TTC12: variants seen among roughly 807,000 people sequenced by gnomAD.
TTC12 encodes tetratricopeptide repeat protein 12.
TTC12 carries 70 observed loss-of-function variants against 90.1 expected under a neutral mutation model. The ratio of observed to expected loss-of-function variants is 0.78; its 90% CI spans 0.64 to 0.95. TTC12 has a LOEUF of 0.95. Among genes scored for constraint, TTC12 ranks in the 40% least tolerant of loss-of-function variants. The probability of loss-of-function intolerance (pLI) is 0.00; values close to 1 mark genes in which losing one functional copy is unlikely to be tolerated. For missense variants in TTC12, 819 were observed against 846.1 expected (o/e 0.97, Z 0.40); for synonymous variants, 296 against 311.5 (o/e 0.95, Z 0.53).
chr11:113,364,470 G>C (rs1461020255), intron 20 of TTC12: 1 of 306,258 alleles, frequency 3.3e-6, no homozygotes, highest in Non-Finnish European at 6.4e-6. Flanking sequence ...GGTGTAGGTT[G>C]CTGGCACATT....
chr11:113,315,826 T>C (rs1555135186), intron 1 of TTC12: 1 of 155,130 alleles, frequency 6.4e-6, no homozygotes, highest in African/African-American at 2.4e-5. Flanking sequence ...CCCAAGTTTG[T>C]TACCTGTCAC....
chr11:113,325,628 T>C lies in TTC12; in HGVS notation c.427T>C (p.Tyr143His), dbSNP rs782593374. 3.1e-6 allele frequency: 5 copies of C among 1,613,970 alleles called. No homozygotes were observed. In the South Asian group the frequency reaches 4.4e-5, roughly 14 times the overall value. ...LEKLKDMKVL[Y>H]TNRAQAYMKL... is the part of the protein sequence containing the mutation. ...GAAGCTGAAGGACATGAAAGTGCTG[T>C]ACACCAACCGAGCCCAGGTCAGTGA... The change falls in exon 6 of 22, where the codon TAC (tyrosine) becomes CAC (histidine). Residue 143 changes from tyrosine to histidine, a missense_variant. Coordinates refer to ENST00000529221, the MANE Select transcript of TTC12 (RefSeq NM_017868.4).
chr11:113,357,195 A>T lies in TTC12; in HGVS notation c.1447-2168A>T, dbSNP rs74881429. 5.5e-3 allele frequency among the ~76,000 whole-genome samples: 844 copies of T among 152,122 alleles called. 11 individuals are homozygous for T. Among genetic ancestry groups the T allele is most frequent in the African/African-American group, 0.019 (805 of 41,486 alleles). ...AAGCCTGTGTTCAAGCTCTGAGATT[A>T]TTTCCTCTGATGGGTCTATTCTGGT... On this transcript the variant is annotated intron_variant, in intron 16 of 21. Transcript: ENST00000529221.
chr11:113,330,148 C>T (rs557451985), intron 7 of TTC12, among the ~76,000 whole-genome samples, 169 bp downstream of exon 7: 3 of 152,306 alleles, frequency 2.0e-5, no homozygotes, highest in African/African-American at 7.2e-5. Context: ...CGACAATGCA[C>T]AGAAAGTGCC....
chr11:113,331,752 C>T (rs915888290), intron 7 of TTC12, among the ~76,000 whole-genome samples: 3 of 152,210 alleles, frequency 2.0e-5, no homozygotes, highest in Admixed American at 6.5e-5. Flanking sequence ...ATGTAATTAA[C>T]GGTGAAACCG....
chr11:113,366,475 G>T, downstream of TTC12: 1 of 1,152,502 alleles, frequency 8.7e-7, no homozygotes, highest in Non-Finnish European at 1.2e-6. Context: ...GGCTGCTGTG[G>T]TGGGCTCTGT....
In TTC12 at chr11:113,344,296, T is replaced by C; in HGVS notation, c.1010T>C (p.Ile337Thr). 6.2e-7 allele frequency: 1 copy of C among 1,613,884 alleles called. No homozygotes were observed. The highest frequency in any genetic ancestry group is 2.2e-5 in the East Asian group (1 of 44,882). ...RNEENQRVLV[I>T]HHDRARLLAA... is the part of the protein sequence containing the mutation. Reference sequence around the variant, plus strand: ...GAGGAAAACCAGCGTGTGCTAGTGATACACCATGACAGGGCCAGGCTGTTG... The same window carrying C: ...GAGGAAAACCAGCGTGTGCTAGTGACACACCATGACAGGGCCAGGCTGTTG... The change falls in exon 13 of 22, where the codon ATA becomes ACA. Residue 337 changes from isoleucine to threonine, a missense_variant. Physicochemically the swap from Ile to Thr is moderately conservative, Grantham distance 89. Transcript: ENST00000529221.
Position 113,323,983 on chromosome 11 carries a change from T to G in TTC12, c.223-11T>G. 2 of 1,608,668 alleles carry G rather than the reference T, an allele frequency of 1.2e-6. No individual in the cohort carries two copies. The highest frequency in any genetic ancestry group is 1.7e-6 in the Non-Finnish European group (2 of 1,176,508). On this transcript the variant is annotated splice_polypyrimidine_tract_variant and intron_variant, in intron 3 of 21. Coordinates refer to ENST00000529221, the MANE Select transcript of TTC12 (RefSeq NM_017868.4). The stretch of plus-strand genomic sequence containing the variant: ...TTGTTTCTTTGTTTTTATGGTAACC[T>G]ACGTCTACAGAGTGCAGAAGAAATA...
rs1555155669 is a variant in TTC12 at position 113,362,503 on chromosome 11, G to A, written c.1716+1G>A. On this transcript the variant is annotated splice_donor_variant, in intron 19 of 21. Transcript: ENST00000529221. LOFTEE classifies it high-confidence loss of function. ...AAAGAAAATGATGAAATTCCTGAAG[G>A]TAAGATCACTTTATTGGTTACAACC... 3 of 1,596,582 alleles carry A rather than the reference G, an allele frequency of 1.9e-6. No homozygotes were observed. Among genetic ancestry groups the A allele is most frequent in the Admixed American group, 1.7e-5 (1 of 59,974 alleles).
At chr11:113,362,692 A>T (rs1466058500) in intron 19 of TTC12, among the ~76,000 whole-genome samples, 190 bp downstream of exon 19, 1 of 152,192 alleles carries the variant, frequency 6.6e-6, no homozygotes, top group African/African-American at 2.4e-5. Context: ...TCAACAACAG[A>T]TTGTTGAATA....
intron 2 of TTC12, among the ~76,000 whole-genome samples, chr11:113,321,944 A>C (rs984944491): frequency 9.9e-5 from 15 of 152,208 alleles, no homozygotes; most frequent in African/African-American, 3.4e-4. Context: ...AATTGTTGAC[A>C]TAGATAATTG....
chr11:113,349,968 T>G (rs754534065), intron 13 of TTC12, 105 bp from the exon 14 acceptor site: 1 of 894,092 alleles, frequency 1.1e-6, no homozygotes, highest in Non-Finnish European at 1.8e-6. Flanking sequence ...TCTGCTTATT[T>G]CACCCGGATG....
At chr11:113,317,627 A>G (rs1215668112) in intron 2 of TTC12, among the ~76,000 whole-genome samples, 1 of 152,128 alleles carries the variant, frequency 6.6e-6, no homozygotes, top group African/African-American at 2.4e-5. Context: ...TTTTGCAGTC[A>G]TAATAAATCC....
intron 12 of TTC12, 79 bp downstream of exon 12, chr11:113,342,004 C>G: frequency 8.1e-7 from 1 of 1,230,058 alleles, no homozygotes; most frequent in Non-Finnish European, 1.2e-6. Context: ...CTGTCCTCCC[C>G]AAAGGCCAGG....
intron 20 of TTC12, chr11:113,364,422 G>T: frequency 4.1e-6 from 1 of 241,462 alleles, no homozygotes; most frequent in Non-Finnish European, 8.2e-6. Context: ...CCATGGAAGC[G>T]GCAAGCCTTT....
At chr11:113,349,215 C>T (rs1053378898) in intron 13 of TTC12, among the ~76,000 whole-genome samples, 2 of 152,230 alleles carry the variant, frequency 1.3e-5, no homozygotes, top group African/African-American at 2.4e-5. Flanking sequence ...CATGCCCACA[C>T]CTTCCACCAG....
Position 113,323,919 on chromosome 11 carries a change from T to C in TTC12, c.223-75T>C, listed in dbSNP as rs1264963217. On this transcript the variant is annotated intron_variant, in intron 3 of 21. Coordinates refer to ENST00000529221, the MANE Select transcript of TTC12 (RefSeq NM_017868.4). ...TCTTGTTTGTAATTGATTTGCCTTC[T>C]TGGTTTATATACATATAAATTAGAG... 2.6e-6 allele frequency: 3 copies of C among 1,173,454 alleles called. No individual in the cohort carries two copies. The Admixed American group carries it at 6.2e-5, about 24-fold the overall frequency. The allele number at this position is 1,173,454 out of a possible 1,614,324, so 72.7% of individuals were successfully genotyped here.
intron 1 of TTC12, chr11:113,315,350 C>G (rs1946868562): frequency 6.6e-6 from 1 of 152,192 alleles, no homozygotes; most frequent in South Asian, 2.1e-4. Flanking sequence ...CAGAATCACA[C>G]AGCTTGTAAC....
At chr11:113,350,291 T>TTG in intron 14 of TTC12, 126 bp downstream of exon 14, 1 of 712,554 alleles carries the variant, frequency 1.4e-6, no homozygotes, top group South Asian at 1.9e-5. Flanking sequence ...CAAGATTCAC[T>TTG]GAGTAGGAGG....
Sources: gnomAD v4.1 joint callset for allele counts (sites outside exome capture counted in the v4.1 genomes callset) on GRCh38, gnomAD v4.1.1 for gene constraint, MANE v1.5 for transcripts, NCBI Gene and HGNC (gene_info 2026-07-23, HGNC 2026-07-21) for gene names.